SCEL: variants seen among roughly 807,000 people sequenced by gnomAD.
SCEL encodes sciellin.
A neutral mutation model predicts 117.6 loss-of-function variants in SCEL; 113 were observed. That is an observed-to-expected ratio of 0.96 (90% CI 0.83 to 1.12). The LOEUF is 1.12. Ranked by LOEUF, SCEL falls within the 50% of genes most tolerant of loss-of-function variation. SCEL has a pLI of 0.00. For synonymous variants in SCEL, 270 were observed against 256.2 expected (o/e 1.05, Z -0.51); for missense variants, 785 against 810.8 (o/e 0.97, Z 0.39).
At chr13:77,549,218 C>T (rs1010711) in intron 1 of SCEL, among the ~76,000 whole-genome samples, 28,996 of 152,028 alleles carry the variant, frequency 0.19, 2,839 homozygotes, top group Non-Finnish European at 0.21. Flanking sequence ...TCCTCACCAG[C>T]ATCTGTCATT....
intron 1 of SCEL, among the ~76,000 whole-genome samples, chr13:77,538,149 C>T (rs1235840068): frequency 6.8e-6 from 1 of 146,070 alleles, no homozygotes; most frequent in East Asian, 2.0e-4. Context: ...TGGAGTCTCG[C>T]TCTTTTCCCC....
chr13:77,572,461 C>A (rs373968547), intron 9 of SCEL, among the ~76,000 whole-genome samples: 1 of 152,156 alleles, frequency 6.6e-6, no homozygotes, highest in African/African-American at 2.4e-5. Context: ...AAACTGGGTG[C>A]CACAGACTGC....
At chr13:77,616,427 T>C (rs1317730464) in intron 24 of SCEL, among the ~76,000 whole-genome samples, 1 of 152,080 alleles carries the variant, frequency 6.6e-6, no homozygotes, top group Admixed American at 6.6e-5. Context: ...GATTTTGCCA[T>C]CAATTTACAT....
intron 9 of SCEL, among the ~76,000 whole-genome samples, chr13:77,579,656 G>A (rs1355623392): frequency 6.6e-6 from 1 of 152,212 alleles, no homozygotes; most frequent in African/African-American, 2.4e-5. Context: ...TCAAGGGAGG[G>A]TCCTTGGGAG....
intron 9 of SCEL, among the ~76,000 whole-genome samples, chr13:77,573,260 G>T (rs2154397849): frequency 6.6e-6 from 1 of 152,246 alleles, no homozygotes; most frequent in East Asian, 1.9e-4. Context: ...GAATCATGTT[G>T]TATAATCGAT....
intron 1 of SCEL, among the ~76,000 whole-genome samples, chr13:77,553,714 T>C (rs1418162270): frequency 6.6e-6 from 1 of 151,962 alleles, no homozygotes; most frequent in Non-Finnish European, 1.5e-5. Flanking sequence ...CTTTGCTCTC[T>C]GCTTGTCAAG....
At chr13:77,601,507 C>T (rs182837186) in intron 15 of SCEL, among the ~76,000 whole-genome samples, 45 of 152,184 alleles carry the variant, frequency 3.0e-4, no homozygotes, top group African/African-American at 9.9e-4. Context: ...CTTTCATATT[C>T]GCTAATAATT....
intron 15 of SCEL, 194 bp downstream of exon 15, chr13:77,599,942 T>C: frequency 7.2e-6 from 4 of 557,330 alleles, no homozygotes; most frequent in Non-Finnish European, 1.3e-5. Flanking sequence ...GCAAGTTGTG[T>C]AATTTCTGGA....
chr13:77,613,385 T>A (rs959137626), intron 23 of SCEL, among the ~76,000 whole-genome samples: 2 of 152,176 alleles, frequency 1.3e-5, no homozygotes, highest in Non-Finnish European at 2.9e-5. Flanking sequence ...TGACATTGAA[T>A]TTACTTCTGT....
chr13:77,608,175 A>G, intron 20 of SCEL, 60 bp downstream of exon 20: 1 of 1,335,796 alleles, frequency 7.5e-7, no homozygotes, highest in Admixed American at 2.0e-5. Flanking sequence ...GGCACTCAGG[A>G]AAGAAGATGT....
chr13:77,592,899 T>C (rs1006087602), intron 11 of SCEL, among the ~76,000 whole-genome samples: 2 of 152,102 alleles, frequency 1.3e-5, no homozygotes, highest in Non-Finnish European at 2.9e-5. Context: ...TTTTCCTAAT[T>C]GTTCCTTTTA....
chr13:77,583,358 C>T (rs2086372642), intron 9 of SCEL, among the ~76,000 whole-genome samples: 1 of 152,178 alleles, frequency 6.6e-6, no homozygotes. Flanking sequence ...AGCTCCATTA[C>T]TAGGTTATGG....
At position 77,617,864 on chromosome 13, in the gene SCEL, T is replaced by A. The variant is rs1238529389; in HGVS notation, c.1571+2T>A. ...TGCAGTAATCAGAAACAATCAGAGG[T>A]ATATATAGAAGCAGTCAATTCATGT... On this transcript the variant is annotated splice_donor_variant, in intron 26 of 32. Transcript: ENST00000349847. LOFTEE classifies it high-confidence loss of function. 1.4e-5 allele frequency: 23 copies of A among 1,606,224 alleles called. No individual in the cohort carries two copies. Among genetic ancestry groups the A allele is most frequent in the Non-Finnish European group, 1.9e-5 (22 of 1,173,792 alleles).
chr13:77,539,296 T>C lies in SCEL; in HGVS notation c.-20+3472T>C, dbSNP rs148467321. Among the ~76,000 whole-genome samples, 607 of 150,976 alleles carry C rather than the reference T, an allele frequency of 4.0e-3. 2 individuals carry two copies. Among genetic ancestry groups the C allele is most frequent in the Admixed American group, 7.1e-3 (107 of 15,122 alleles). On this transcript the variant is annotated intron_variant, in intron 1 of 32. Coordinates refer to ENST00000349847, the MANE Select transcript of SCEL (RefSeq NM_144777.3). ...TACATATTTTATAATATACATAGCA[T>C]ATTACATAATGGGACATATATGTAT...
chr13:77,594,362 A>C (rs1283856844), intron 12 of SCEL, among the ~76,000 whole-genome samples: 1 of 152,204 alleles, frequency 6.6e-6, no homozygotes, highest in Non-Finnish European at 1.5e-5. Flanking sequence ...ATATCAAGGG[A>C]AACCATTTTC....
intron 1 of SCEL, among the ~76,000 whole-genome samples, chr13:77,553,139 A>G (rs1734432942): frequency 6.6e-6 from 1 of 152,188 alleles, no homozygotes; most frequent in African/African-American, 2.4e-5. Context: ...CAACATACGA[A>G]TTTTGGAGGA....
At chr13:77,572,324 G>C in intron 9 of SCEL, 135 bp downstream of exon 9, 1 of 667,066 alleles carries the variant, frequency 1.5e-6, no homozygotes. Flanking sequence ...GTACAGGAGA[G>C]TGTCCAGTGG....
At chr13:77,635,322 T>A (rs936922053) in intron 29 of SCEL, among the ~76,000 whole-genome samples, 1 of 152,174 alleles carries the variant, frequency 6.6e-6, no homozygotes, top group Non-Finnish European at 1.5e-5. Context: ...AAACTAAAAG[T>A]TAAAACACTT....
At chr13:77,587,810 A>C (rs895175284) in intron 9 of SCEL, among the ~76,000 whole-genome samples, 2 of 152,098 alleles carry the variant, frequency 1.3e-5, no homozygotes, top group Non-Finnish European at 2.9e-5. Flanking sequence ...CAGGGCCTGA[A>C]GGTCCAACCC....
Sources: allele counts gnomAD v4.1 joint callset (sites outside exome capture counted in the v4.1 genomes callset), GRCh38; gene constraint gnomAD v4.1.1; transcripts MANE v1.5; gene names NCBI Gene and HGNC (gene_info 2026-07-23, HGNC 2026-07-21).